The following NCAM2 variants were observed in gnomAD, a reference collection of about 807,000 sequenced individuals.
NCAM2 encodes the protein neural cell adhesion molecule 2.
A neutral mutation model predicts 98.1 loss-of-function variants in NCAM2; 30 were observed. That is an observed-to-expected ratio of 0.31 (90% CI 0.23 to 0.41). The LOEUF is 0.41. Among genes scored for constraint, NCAM2 ranks in the 10% least tolerant of loss-of-function variants. The pLI, the probability that NCAM2 is intolerant of heterozygous loss-of-function variation, is 1.00. For synonymous variants in NCAM2, 368 were observed against 342.4 expected (o/e 1.07, Z -0.83); for missense variants, 867 against 1,005.8 (o/e 0.86, Z 1.87).
chr21:21,515,684 T>C (rs1474087852), intron 16 of NCAM2, among the ~76,000 whole-genome samples: 1 of 152,162 alleles, frequency 6.6e-6, no homozygotes, highest in African/African-American at 2.4e-5. Context: ...AATACCATAA[T>C]TAAAATCCAA....
At chr21:21,050,244 G>A (rs1318886669) in intron 1 of NCAM2, among the ~76,000 whole-genome samples, 1 of 152,156 alleles carries the variant, frequency 6.6e-6, no homozygotes, top group Admixed American at 6.5e-5. Flanking sequence ...AAAGTGAAAG[G>A]ATTAACTTTC....
chr21:21,258,949 G>C (rs1342506906), intron 1 of NCAM2, among the ~76,000 whole-genome samples: 2 of 152,116 alleles, frequency 1.3e-5, no homozygotes, highest in African/African-American at 4.8e-5. Context: ...CACGGACGTG[G>C]CACCAATTGC....
rs372122710 is a variant in NCAM2 at position 21,332,829 on chromosome 21, C to T, written c.738-2676C>T. 7.7e-4 allele frequency among the ~76,000 whole-genome samples: 118 copies of T among 152,334 alleles called. 1 individual carries two copies. In the South Asian group the frequency reaches 8.9e-3, roughly 11 times the overall value. Reference sequence around the variant, plus strand: ...GATGGAGGTACTCATATGCCACTGTCATATGCAACCAGTTGGCTAATGTGT... The same window carrying T: ...GATGGAGGTACTCATATGCCACTGTTATATGCAACCAGTTGGCTAATGTGT... On this transcript the variant is annotated intron_variant, in intron 6 of 17. Coordinates refer to ENST00000400546, the MANE Select transcript of NCAM2 (RefSeq NM_004540.5).
intron 1 of NCAM2, among the ~76,000 whole-genome samples, chr21:21,149,068 G>T (rs2067371140): frequency 6.6e-6 from 1 of 152,096 alleles, no homozygotes; most frequent in African/African-American, 2.4e-5. Flanking sequence ...TATGTTCCAT[G>T]AATCTGTATT....
At chr21:21,273,884 G>T (rs567579522) in intron 1 of NCAM2, among the ~76,000 whole-genome samples, 1 of 152,154 alleles carries the variant, frequency 6.6e-6, no homozygotes, top group Non-Finnish European at 1.5e-5. Flanking sequence ...AAGAAGTTTA[G>T]GCCGGGTGCG....
chr21:21,017,313 C>T (rs2064329734), intron 1 of NCAM2, among the ~76,000 whole-genome samples: 1 of 143,792 alleles, frequency 7.0e-6, no homozygotes, highest in African/African-American at 2.6e-5. Context: ...GTTGTCCCAG[C>T]TACTTGGGAG....
intron 13 of NCAM2, 32 bp from the exon 14 acceptor site, chr21:21,468,630 G>C: frequency 6.3e-7 from 1 of 1,577,648 alleles, no homozygotes; most frequent in Non-Finnish European, 8.6e-7. Flanking sequence ...TGAAATGTGT[G>C]CAAATGAAGA....
chr21:21,268,765 T>G (rs1346433088), intron 1 of NCAM2, among the ~76,000 whole-genome samples: 1 of 152,172 alleles, frequency 6.6e-6, no homozygotes, highest in Admixed American at 6.6e-5. Context: ...CAAGCTTAGC[T>G]TTTTCTTCAT....
chr21:21,426,569 C>G (rs1312527106), intron 11 of NCAM2, among the ~76,000 whole-genome samples: 1 of 152,134 alleles, frequency 6.6e-6, no homozygotes, highest in Non-Finnish European at 1.5e-5. Flanking sequence ...CATGTGAAGT[C>G]TGCAATGACT....
intron 15 of NCAM2, among the ~76,000 whole-genome samples, chr21:21,481,724 A>ACCCCT (rs1985902447): frequency 6.6e-6 from 1 of 152,134 alleles, no homozygotes; most frequent in Non-Finnish European, 1.5e-5. Flanking sequence ...GATGGTATTC[A>ACCCCT]CCCCTCTAAA....
At position 21,120,581 on chromosome 21, in the gene NCAM2, T is replaced by C. The variant is rs149627176; in HGVS notation, c.55+121963T>C. Among the ~76,000 whole-genome samples the C allele has an allele frequency of 2.5e-4, 38 of 152,240 alleles. No homozygotes were observed. The East Asian group carries it at 7.4e-3, about 29-fold the overall frequency. The stretch of plus-strand genomic sequence containing the variant: ...GGGGACGCTGCTTCGGCAGAGCCCC[T>C]GAAATGAAAAAGGAGCCTGTTTGTT... On this transcript the variant is annotated intron_variant, in intron 1 of 17. Coordinates refer to ENST00000400546, the MANE Select transcript of NCAM2 (RefSeq NM_004540.5).
rs1990266241 is a variant in NCAM2 at position 21,542,374 on chromosome 21, A to C, written c.*4417A>C. 6.6e-6 allele frequency: 1 copy of C among 151,828 alleles called. No individual in the cohort carries two copies. Among genetic ancestry groups the C allele is most frequent in the Non-Finnish European group, 1.5e-5 (1 of 67,826 alleles). The allele number at this position is 151,828 out of a possible 1,614,324, so 9.4% of individuals were successfully genotyped here. A position where few individuals can be genotyped will look rare whatever the true frequency, so the allele number is the denominator to read the frequency against. On this transcript the variant is annotated 3_prime_UTR_variant, in exon 18 of 18. Coordinates refer to ENST00000400546, the MANE Select transcript of NCAM2 (RefSeq NM_004540.5). Reference sequence around the variant, plus strand: ...TATTTGATAACACAATATTCTTAGAAAAATAGTTTATTACTTTAGGATTTT... The same window carrying C: ...TATTTGATAACACAATATTCTTAGACAAATAGTTTATTACTTTAGGATTTT...
rs532928688 is a variant in NCAM2, at chr21:21,064,038, C to A, written c.55+65420C>A. Among the ~76,000 whole-genome samples, 213 of 152,126 alleles carry A rather than the reference C, an allele frequency of 1.4e-3. 1 individual carries two copies. The highest frequency in any genetic ancestry group is 4.8e-3 in the African/African-American group (199 of 41,482). The stretch of plus-strand genomic sequence containing the variant: ...CCTGAGGGATACTGGGTGATTCTTG[C>A]CAAAGAATTAGGGGGATACAGATCT... On this transcript the variant is annotated intron_variant, in intron 1 of 17. Coordinates refer to ENST00000400546, the MANE Select transcript of NCAM2 (RefSeq NM_004540.5).
At chr21:21,272,884 G>A (rs1222903013) in intron 1 of NCAM2, among the ~76,000 whole-genome samples, 6 of 137,656 alleles carry the variant, frequency 4.4e-5, no homozygotes, top group Non-Finnish European at 9.3e-5. Context: ...GGTATTTAAT[G>A]TATTAGCAAA....
At chr21:21,431,075 A>G (rs767855514) in intron 11 of NCAM2, among the ~76,000 whole-genome samples, 3 of 147,340 alleles carry the variant, frequency 2.0e-5, no homozygotes, top group Middle Eastern at 3.5e-3. Context: ...AAAAAAATTC[A>G]AGGTGAGATT....
intron 1 of NCAM2, among the ~76,000 whole-genome samples, chr21:21,067,399 C>A (rs1743721358): frequency 6.6e-6 from 1 of 152,012 alleles, no homozygotes; most frequent in African/African-American, 2.4e-5. Flanking sequence ...CAATATGCTA[C>A]TGACATATAT....
intron 1 of NCAM2, among the ~76,000 whole-genome samples, chr21:21,049,051 G>T (rs531547654): frequency 7.9e-6 from 1 of 125,852 alleles, no homozygotes; most frequent in Non-Finnish European, 1.6e-5. Flanking sequence ...TCGCTCTGTC[G>T]CCCAGGCTGG....
chr21:21,538,015 T>G lies in NCAM2; in HGVS notation c.*58T>G, dbSNP rs996472628. The G allele has an allele frequency of 9.9e-7, 1 of 1,005,884 alleles. No homozygotes were observed. Among genetic ancestry groups the G allele is most frequent in the African/African-American group, 1.7e-5 (1 of 59,580 alleles). 62.3% of individuals were successfully genotyped at this position (1,005,884 alleles called of 1,614,324 possible). The stretch of plus-strand genomic sequence containing the variant: ...GAAGAGTATTTGGATTGCGTGACCC[T>G]ATGACCAAAACTATTCCATTGACCT... On this transcript the variant is annotated 3_prime_UTR_variant, in exon 18 of 18. Transcript: ENST00000400546.
intron 9 of NCAM2, among the ~76,000 whole-genome samples, chr21:21,379,773 C>T (rs2076111605): frequency 6.6e-6 from 1 of 151,822 alleles, no homozygotes; most frequent in Non-Finnish European, 1.5e-5. Flanking sequence ...ATGGTATTTG[C>T]ACTCATCAGG....
Sources: gnomAD v4.1 joint callset for allele counts (sites outside exome capture counted in the v4.1 genomes callset) on GRCh38, gnomAD v4.1.1 for gene constraint, MANE v1.5 for transcripts, NCBI Gene and HGNC (gene_info 2026-07-23, HGNC 2026-07-21) for gene names.